Variants in ADAMTSL3 observed in about 807,000 individuals in gnomAD.
The protein encoded by ADAMTSL3 is ADAMTS-like protein 3.
ADAMTSL3 carries 128 observed loss-of-function variants against 201.7 expected under a neutral mutation model. The ratio of observed to expected loss-of-function variants is 0.63; its 90% confidence interval spans 0.55 to 0.73. The LOEUF (loss-of-function observed/expected upper bound fraction) is 0.73, where lower values mean the gene tolerates loss of function less well. Among genes scored for constraint, ADAMTSL3 ranks in the 30% least tolerant of loss-of-function variants. The probability of loss-of-function intolerance (pLI) is 0.00; values close to 1 mark genes in which losing one functional copy is unlikely to be tolerated. For missense variants in ADAMTSL3, 1,990 were observed against 2,119.6 expected (o/e 0.94, Z 1.20); for synonymous variants, 738 against 748.4 (o/e 0.99, Z 0.23).
At chr15:83,948,038 A>G (rs1323824066) in intron 19 of ADAMTSL3, among the ~76,000 whole-genome samples, 1 of 152,082 alleles carries the variant, frequency 6.6e-6, no homozygotes, top group Non-Finnish European at 1.5e-5. Context: ...CAACTCTTCA[A>G]CTCTTGAACT....
At chr15:83,724,716 C>T (rs1369498365) in intron 3 of ADAMTSL3, among the ~76,000 whole-genome samples, 1 of 152,088 alleles carries the variant, frequency 6.6e-6, no homozygotes, top group Admixed American at 6.6e-5. Context: ...TTCCTAGCCA[C>T]TGGTGACCAC....
chr15:83,673,218 G>C (rs1051294212), intron 2 of ADAMTSL3, among the ~76,000 whole-genome samples: 2 of 152,218 alleles, frequency 1.3e-5, no homozygotes, highest in African/African-American at 4.8e-5. Context: ...AGTGCGCTTA[G>C]CAACCAGACA....
At chr15:83,951,385 G>T (rs970655373) in intron 19 of ADAMTSL3, among the ~76,000 whole-genome samples, 2 of 152,062 alleles carry the variant, frequency 1.3e-5, no homozygotes. Context: ...CATGATGAAT[G>T]ATCTTTTACT....
chr15:83,707,174 T>C (rs2061864808), intron 3 of ADAMTSL3, among the ~76,000 whole-genome samples: 1 of 152,246 alleles, frequency 6.6e-6, no homozygotes, highest in Non-Finnish European at 1.5e-5. Flanking sequence ...TTTGCTGTTT[T>C]ACTTTGGACA....
intron 29 of ADAMTSL3, among the ~76,000 whole-genome samples, chr15:84,037,290 C>T (rs1251759867): frequency 2.0e-5 from 3 of 152,142 alleles, no homozygotes; most frequent in Admixed American, 6.5e-5. Context: ...GGTAGTCTTA[C>T]GTGCTAAGAC....
chr15:83,844,788 C>A (rs2064460031), intron 7 of ADAMTSL3, among the ~76,000 whole-genome samples: 1 of 152,196 alleles, frequency 6.6e-6, no homozygotes, highest in Admixed American at 6.5e-5. Context: ...GGAAAAATAG[C>A]ATGTAGACTG....
intron 8 of ADAMTSL3, among the ~76,000 whole-genome samples, chr15:83,865,727 CA>C (rs2064961412): frequency 6.6e-6 from 1 of 152,108 alleles, no homozygotes; most frequent in Admixed American, 6.5e-5. Flanking sequence ...TCTAAAACAC[CA>C]AAAGCAATGG....
chr15:83,879,518 A>G (rs905458805), intron 9 of ADAMTSL3, among the ~76,000 whole-genome samples: 10 of 152,318 alleles, frequency 6.6e-5, no homozygotes, highest in African/African-American at 2.4e-4. Flanking sequence ...TAGATTATTT[A>G]GAAGTATAAC....
At chr15:83,742,649 AG>A (rs907745512) in intron 3 of ADAMTSL3, among the ~76,000 whole-genome samples, 1 of 152,230 alleles carries the variant, frequency 6.6e-6, no homozygotes, top group African/African-American at 2.4e-5. Context: ...AAAATAATAA[AG>A]TAATTTTTGG....
intron 7 of ADAMTSL3, among the ~76,000 whole-genome samples, chr15:83,856,344 T>G (rs1165622833): frequency 1.3e-5 from 2 of 151,598 alleles, no homozygotes; most frequent in Non-Finnish European, 2.9e-5. Context: ...AAAAAAAAAT[T>G]ATAAAATTTT....
intron 8 of ADAMTSL3, among the ~76,000 whole-genome samples, chr15:83,859,306 T>G (rs2064807267): frequency 6.6e-6 from 1 of 152,196 alleles, no homozygotes; most frequent in South Asian, 2.1e-4. Flanking sequence ...GCCTAAAGAC[T>G]TGGAGTCAGC....
intron 20 of ADAMTSL3, among the ~76,000 whole-genome samples, chr15:83,975,605 G>T (rs770324185): frequency 1.3e-5 from 2 of 152,196 alleles, no homozygotes; most frequent in Non-Finnish European, 2.9e-5. Context: ...GTGACACTGG[G>T]TGGTTAGAGG....
At chr15:83,662,566 A>G (rs896826249) in intron 2 of ADAMTSL3, among the ~76,000 whole-genome samples, 2 of 128,636 alleles carry the variant, frequency 1.6e-5, no homozygotes, top group African/African-American at 5.3e-5. Context: ...AACTTAAAGT[A>G]TAATAAAAAA....
intron 23 of ADAMTSL3, among the ~76,000 whole-genome samples, chr15:84,000,355 A>C (rs139328869): frequency 4.6e-5 from 7 of 152,202 alleles, no homozygotes; most frequent in Admixed American, 4.6e-4. Flanking sequence ...GTCTTTCCCT[A>C]CTCAAAAAGG....
chr15:83,766,400 C>T (rs941620490), intron 3 of ADAMTSL3, among the ~76,000 whole-genome samples: 2 of 152,096 alleles, frequency 1.3e-5, no homozygotes, highest in African/African-American at 2.4e-5. Flanking sequence ...GTCAGAAATG[C>T]GAATTCCTCA....
At chr15:83,913,457 AAT>A in intron 16 of ADAMTSL3, 79 bp downstream of exon 16, 1 of 1,437,632 alleles carries the variant, frequency 7.0e-7, no homozygotes, top group Non-Finnish European at 9.4e-7. Flanking sequence ...AGGTAAGCCA[AAT>A]ATGCAAATTA....
intron 4 of ADAMTSL3, among the ~76,000 whole-genome samples, chr15:83,779,164 A>G (rs2063126347): frequency 6.6e-6 from 1 of 152,148 alleles, no homozygotes; most frequent in South Asian, 2.1e-4. Flanking sequence ...CAGTAATAAT[A>G]AAAGACTTTA....
intron 2 of ADAMTSL3, among the ~76,000 whole-genome samples, chr15:83,661,053 G>A (rs1265881429): frequency 6.9e-6 from 1 of 144,616 alleles, no homozygotes; most frequent in South Asian, 2.3e-4. Flanking sequence ...TTTCCCCATT[G>A]CTTGTTTTTC....
At chr15:83,852,693 A>T (rs1262622995) in intron 7 of ADAMTSL3, among the ~76,000 whole-genome samples, 1 of 152,124 alleles carries the variant, frequency 6.6e-6, no homozygotes, top group Non-Finnish European at 1.5e-5. Flanking sequence ...AACACTCTGG[A>T]TATTAAGAAA....
Sources: gnomAD v4.1 joint callset for allele counts (sites outside exome capture counted in the v4.1 genomes callset) on GRCh38, gnomAD v4.1.1 for gene constraint, MANE v1.5 for transcripts, NCBI Gene and HGNC (gene_info 2026-07-23, HGNC 2026-07-21) for gene names.